Variants in PCDH15 observed in about 807,000 individuals in gnomAD.
PCDH15 encodes the protein protocadherin-15.
Under a neutral mutation model 178.5 loss-of-function variants are expected in PCDH15, and 129 were observed. The observed-to-expected ratio is 0.72, with a 90% CI of 0.63 to 0.84. The LOEUF (loss-of-function observed/expected upper bound fraction) is 0.84. PCDH15 is among the 40% of genes least tolerant of loss of function. PCDH15 has a pLI of 0.00. For synonymous variants in PCDH15, 800 were observed against 732.0 expected, an observed-to-expected ratio of 1.09 and a Z score of -1.50; for missense variants, 2,230 against 2,099.9, an observed-to-expected ratio of 1.06 and a Z score of -1.21.
chr10:55,280,531 C>A (rs1842705616), intron 1 of PCDH15, among the ~76,000 whole-genome samples: 1 of 149,454 alleles, frequency 6.7e-6, no homozygotes, highest in African/African-American at 2.5e-5. Context: ...TCAGGTGATC[C>A]ACCCCCCTCG....
At chr10:54,697,848 T>C (rs1395300930) in intron 1 of PCDH15, among the ~76,000 whole-genome samples, 1 of 151,994 alleles carries the variant, frequency 6.6e-6, no homozygotes, top group Non-Finnish European at 1.5e-5. Context: ...TGTTCTTACA[T>C]AAAAACGTTC....
chr10:53,982,019 A>G (rs1443761188), intron 21 of PCDH15, among the ~76,000 whole-genome samples: 1 of 152,264 alleles, frequency 6.6e-6, no homozygotes, highest in Non-Finnish European at 1.5e-5. Context: ...GGATATGAAC[A>G]GACACTTTTC....
intron 37 of PCDH15, 125 bp downstream of exon 37, chr10:53,810,431 T>G (rs971165113): frequency 1.1e-5 from 9 of 785,748 alleles, no homozygotes; most frequent in Non-Finnish European, 1.9e-5. Flanking sequence ...GAAATTTCTA[T>G]GGGAAATACG....
chr10:54,214,735 C>T (rs934138773), intron 9 of PCDH15, among the ~76,000 whole-genome samples: 2 of 152,028 alleles, frequency 1.3e-5, no homozygotes, highest in African/African-American at 2.4e-5. Context: ...GGATTATAGG[C>T]GTGTGCCACC....
intron 1 of PCDH15, among the ~76,000 whole-genome samples, chr10:54,682,508 C>A (rs2094918759): frequency 6.6e-6 from 1 of 152,088 alleles, no homozygotes. Flanking sequence ...TGCATCTTTA[C>A]CACGAACAAT....
At chr10:55,005,008 A>G (rs748665218) in intron 2 of PCDH15, among the ~76,000 whole-genome samples, 14 of 152,108 alleles carry the variant, frequency 9.2e-5, no homozygotes, top group Non-Finnish European at 1.8e-4. Flanking sequence ...GATCGTGAAA[A>G]GGCTGAAATT....
intron 2 of PCDH15, among the ~76,000 whole-genome samples, chr10:55,602,026 G>A (rs1247213450): frequency 1.3e-5 from 2 of 152,088 alleles, no homozygotes; most frequent in African/African-American, 4.8e-5. Context: ...GTCAGTGGGT[G>A]CACGCGCCGT....
At chr10:55,265,280 T>C (rs1396203866) in intron 1 of PCDH15, among the ~76,000 whole-genome samples, 1 of 151,026 alleles carries the variant, frequency 6.6e-6, no homozygotes, top group Non-Finnish European at 1.5e-5. Context: ...AGAGACGATA[T>C]ATTGTGATAG....
intron 2 of PCDH15, among the ~76,000 whole-genome samples, chr10:55,407,239 A>G (rs1282700446): frequency 6.6e-6 from 1 of 152,194 alleles, no homozygotes; most frequent in African/African-American, 2.4e-5. Flanking sequence ...CTTAGAAAAA[A>G]TAACTGTATA....
chr10:54,008,257 C>A (rs781062674), intron 20 of PCDH15, among the ~76,000 whole-genome samples: 5 of 152,028 alleles, frequency 3.3e-5, no homozygotes, highest in Non-Finnish European at 7.4e-5. Context: ...AGTCAGGACG[C>A]CTTGACCAAA....
intron 3 of PCDH15, among the ~76,000 whole-genome samples, chr10:54,433,044 A>G (rs1957135446): frequency 6.6e-6 from 1 of 152,126 alleles, no homozygotes. Flanking sequence ...CAGTTAAAAT[A>G]GTTTTATCCA....
At chr10:55,479,551 C>A (rs897892938) in intron 2 of PCDH15, among the ~76,000 whole-genome samples, 1 of 151,600 alleles carries the variant, frequency 6.6e-6, no homozygotes, top group Non-Finnish European at 1.5e-5. Context: ...AAACCCACAA[C>A]TAACATTATA....
At chr10:53,892,020 GT>G (rs869122093) in intron 26 of PCDH15, among the ~76,000 whole-genome samples, 3,135 of 91,806 alleles carry the variant, frequency 0.034, 26 homozygotes, top group African/African-American at 0.068. Context: ...TTACATCTAT[GT>G]TTTTTTTTTT....
intron 27 of PCDH15, among the ~76,000 whole-genome samples, chr10:53,861,625 T>G (rs1281806237): frequency 6.6e-6 from 1 of 152,192 alleles, no homozygotes; most frequent in Non-Finnish European, 1.5e-5. Context: ...ATAATAAGAT[T>G]AATTCAATAA....
chr10:55,111,861 AC>A (rs1426761046), intron 2 of PCDH15, among the ~76,000 whole-genome samples: 3 of 152,204 alleles, frequency 2.0e-5, no homozygotes, highest in African/African-American at 4.8e-5. Context: ...CTCAAAAAAA[AC>A]AATAAAAAAT....
chr10:54,332,441 G>A (rs1366797467), intron 6 of PCDH15, among the ~76,000 whole-genome samples: 2 of 142,240 alleles, frequency 1.4e-5, no homozygotes, highest in African/African-American at 5.2e-5. Context: ...CTGTCTCTAT[G>A]TGTTTACACT....
At chr10:54,604,251 C>T (rs1382569408) in intron 2 of PCDH15, among the ~76,000 whole-genome samples, 1 of 151,866 alleles carries the variant, frequency 6.6e-6, no homozygotes, top group Non-Finnish European at 1.5e-5. Context: ...GTACAATCTT[C>T]TGTTGTTGGG....
intron 2 of PCDH15, among the ~76,000 whole-genome samples, chr10:55,612,283 A>G (rs1363446317): frequency 6.6e-6 from 1 of 152,090 alleles, no homozygotes; most frequent in Non-Finnish European, 1.5e-5. Context: ...TCAATATTGT[A>G]TGTTATAAAT....
chr10:54,064,183 G>C (rs1443632486), intron 18 of PCDH15, among the ~76,000 whole-genome samples: 2 of 152,176 alleles, frequency 1.3e-5, no homozygotes, highest in Non-Finnish European at 2.9e-5. Context: ...CCAGCTCTCA[G>C]CAGAGAGAAG....
Sources: gnomAD v4.1 joint callset for allele counts (sites outside exome capture counted in the v4.1 genomes callset) on GRCh38, gnomAD v4.1.1 for gene constraint, MANE v1.5 for transcripts, NCBI Gene and HGNC (gene_info 2026-07-23, HGNC 2026-07-21) for gene names.